CDH4: variants seen among roughly 807,000 people sequenced by gnomAD.
CDH4 encodes cadherin-4.
In CDH4, 33 loss-of-function variants were observed where a neutral mutation model predicts 86.0. That is an observed-to-expected ratio of 0.38 (90% CI 0.29 to 0.51). The LOEUF is 0.51. Ranked by LOEUF, CDH4 falls within the 20% of genes least tolerant of loss-of-function variation. The pLI is 0.86. For missense variants in CDH4, 1,114 were observed against 1,307.4 expected (o/e 0.85, Z 2.28); for synonymous variants, 555 against 549.4 (o/e 1.01, Z -0.14).
At chr20:61,612,660 C>T (rs926825630) in intron 2 of CDH4, among the ~76,000 whole-genome samples, 5 of 152,204 alleles carry the variant, frequency 3.3e-5, no homozygotes, top group Admixed American at 6.5e-5. Flanking sequence ...TGGACTTTCC[C>T]GAATGAAAAG....
intron 2 of CDH4, among the ~76,000 whole-genome samples, chr20:61,637,615 G>C (rs879748632): frequency 6.6e-6 from 1 of 151,638 alleles, no homozygotes; most frequent in Non-Finnish European, 1.5e-5. Flanking sequence ...TTACTTCTAC[G>C]TACTTTCTTC....
chr20:61,329,761 G>A (rs185132136), intron 2 of CDH4, among the ~76,000 whole-genome samples: 187 of 152,264 alleles, frequency 1.2e-3, no homozygotes, highest in African/African-American at 4.2e-3. Flanking sequence ...AGCATGTGCC[G>A]TGGTGGTTTG....
At chr20:61,620,514 G>A (rs4925188) in intron 2 of CDH4, among the ~76,000 whole-genome samples, 86,864 of 150,046 alleles carry the variant, frequency 0.58, 28,133 homozygotes, top group East Asian at 0.78. Context: ...TGATAGATTC[G>A]TACATACATA....
At position 61,709,447 on chromosome 20, in the gene CDH4, T is replaced by C. The variant is rs982177774; in HGVS notation, c.170-34116T>C. Among the ~76,000 whole-genome samples the C allele has an allele frequency of 1.3e-5, 2 of 152,020 alleles. No homozygotes were observed. Among genetic ancestry groups the C allele is most frequent in the African/African-American group, 4.8e-5 (2 of 41,370 alleles). On this transcript the variant is annotated intron_variant, in intron 2 of 15. Transcript: ENST00000614565. The surrounding 1 kb of genome is among the most constrained non-coding windows in gnomAD (Gnocchi z 4.8). ...GTGCCACCATGCCCGGCTATTTTTT[T>C]CTATTTTTAGGAGGGACGGGGTTTC... is the stretch of plus-strand genomic sequence containing the variant.
intron 2 of CDH4, among the ~76,000 whole-genome samples, chr20:61,645,973 C>G (rs960362316): frequency 1.3e-5 from 2 of 152,168 alleles, no homozygotes; most frequent in Non-Finnish European, 2.9e-5. Context: ...TGGATTCCAG[C>G]TCTGCAGTGC....
At chr20:61,748,320 A>G (rs2088444460) in intron 3 of CDH4, among the ~76,000 whole-genome samples, 1 of 152,106 alleles carries the variant, frequency 6.6e-6, no homozygotes, top group Non-Finnish European at 1.5e-5. Context: ...TTTAGTAGAG[A>G]TGGGGTTTCA....
At chr20:61,548,296 G>A (rs1328203470) in intron 2 of CDH4, among the ~76,000 whole-genome samples, 2 of 152,208 alleles carry the variant, frequency 1.3e-5, no homozygotes, top group African/African-American at 2.4e-5. Context: ...GGGGAGCTGA[G>A]AGGGCTCCAG....
At chr20:61,325,222 G>GA (rs11482226) in intron 2 of CDH4, among the ~76,000 whole-genome samples, 87,109 of 144,514 alleles carry the variant, frequency 0.6, 25,969 homozygotes, top group Non-Finnish European at 0.67. Flanking sequence ...GTGGTCACTG[G>GA]AAAAAAAAAA....
chr20:61,893,595 G>T (rs116427173), intron 7 of CDH4, among the ~76,000 whole-genome samples: 2,173 of 151,070 alleles, frequency 0.014, 59 homozygotes, highest in African/African-American at 0.051. Context: ...GTGGATCGAT[G>T]GGTGTGGGGC....
chr20:61,860,311 G>T (rs1010611664), intron 6 of CDH4, among the ~76,000 whole-genome samples: 2 of 152,226 alleles, frequency 1.3e-5, no homozygotes, highest in African/African-American at 2.4e-5. Context: ...CGGGGTCCTT[G>T]CCTGGTCACC....
intron 13 of CDH4, among the ~76,000 whole-genome samples, chr20:61,931,002 G>C (rs986306354): frequency 6.6e-6 from 1 of 152,246 alleles, no homozygotes; most frequent in Non-Finnish European, 1.5e-5. Context: ...GGCATCCGCA[G>C]TGGGGCCGGG....
intron 2 of CDH4, among the ~76,000 whole-genome samples, chr20:61,619,419 A>T (rs2086751798): frequency 6.6e-6 from 1 of 152,218 alleles, no homozygotes; most frequent in Non-Finnish European, 1.5e-5. Flanking sequence ...TCTATTTTTT[A>T]AAACGCAAAT....
At chr20:61,490,706 A>T (rs1347193750) in intron 2 of CDH4, among the ~76,000 whole-genome samples, 1 of 152,066 alleles carries the variant, frequency 6.6e-6, no homozygotes, top group African/African-American at 2.4e-5. Context: ...CTCAAAAAAA[A>T]AAAGTTACAG....
chr20:61,531,340 T>C lies in CDH4; in HGVS notation c.170-212223T>C, dbSNP rs143415704. ...TACAAAAATTAGCCGGGCATGGTGG[T>C]GGGTGCCTGTAATCCCAGGTACTCA... On this transcript the variant is annotated intron_variant, in intron 2 of 15. Transcript: ENST00000614565. 7.4e-3 allele frequency among the ~76,000 whole-genome samples: 1,101 copies of C among 149,662 alleles called. 11 individuals are homozygous for C. The highest frequency in any genetic ancestry group is 0.023 in the African/African-American group (892 of 39,276).
At chr20:61,477,829 T>G (rs935605661) in intron 2 of CDH4, among the ~76,000 whole-genome samples, 3 of 152,194 alleles carry the variant, frequency 2.0e-5, no homozygotes, top group Non-Finnish European at 2.9e-5. Flanking sequence ...CAGCTCATGA[T>G]CCCGTTGCTG....
At chr20:61,395,427 C>G (rs902364386) in intron 2 of CDH4, among the ~76,000 whole-genome samples, 17 of 152,230 alleles carry the variant, frequency 1.1e-4, no homozygotes, top group Non-Finnish European at 2.1e-4. Context: ...TTAATACGTA[C>G]ATGGCATTAT....
intron 2 of CDH4, among the ~76,000 whole-genome samples, chr20:61,353,006 T>C (rs2084722311): frequency 6.6e-6 from 1 of 152,088 alleles, no homozygotes; most frequent in Non-Finnish European, 1.5e-5. Flanking sequence ...GAGCTCAGGC[T>C]CTGGGGACCC....
At chr20:61,325,654 G>C (rs563142540) in intron 2 of CDH4, among the ~76,000 whole-genome samples, 2 of 151,838 alleles carry the variant, frequency 1.3e-5, no homozygotes, top group Non-Finnish European at 2.9e-5. Context: ...GTGCGACTTG[G>C]GGGGGCCACA....
chr20:61,297,186 G>A (rs1374643511), intron 2 of CDH4, among the ~76,000 whole-genome samples: 1 of 152,158 alleles, frequency 6.6e-6, no homozygotes. Context: ...AGGAGTTCGA[G>A]ACCAGCCTGG....
Sources: allele counts gnomAD v4.1 joint callset (sites outside exome capture counted in the v4.1 genomes callset), GRCh38; gene constraint gnomAD v4.1.1; non-coding constraint Gnocchi (gnomAD v3.1); transcripts MANE v1.5; gene names NCBI Gene and HGNC (gene_info 2026-07-23, HGNC 2026-07-21).